The following LRP2 variants were observed in gnomAD, a reference collection of about 807,000 sequenced individuals.
The protein encoded by LRP2 is low-density lipoprotein receptor-related protein 2.
A neutral mutation model predicts 531.0 loss-of-function variants in LRP2; 172 were observed. The observed-to-expected ratio is 0.32, with a 90% CI of 0.29 to 0.37. The LOEUF is 0.37. LRP2 is among the 10% of genes least tolerant of loss of function. The pLI, the probability that LRP2 is intolerant of heterozygous loss-of-function variation, is 1.00. For synonymous variants in LRP2, 1,992 were observed against 2,027.6 expected, an observed-to-expected ratio of 0.98 and a Z score of 0.47; for missense variants, 5,167 against 5,868.3, an observed-to-expected ratio of 0.88 and a Z score of 3.90.
At chr2:169,242,516 A>C (rs1026399606) in intron 24 of LRP2, among the ~76,000 whole-genome samples, 1 of 151,972 alleles carries the variant, frequency 6.6e-6, no homozygotes, top group Non-Finnish European at 1.5e-5. Flanking sequence ...TTCAACACAT[A>C]ATAGCACAAA....
chr2:169,133,894 G>A (rs932446751), intron 76 of LRP2, among the ~76,000 whole-genome samples: 6 of 152,150 alleles, frequency 3.9e-5, no homozygotes, highest in South Asian at 2.1e-4. Flanking sequence ...AATTACCTGG[G>A]CTGTACTGCT....
intron 16 of LRP2, among the ~76,000 whole-genome samples, chr2:169,269,570 G>C (rs1419541833): frequency 6.6e-6 from 1 of 152,236 alleles, no homozygotes; most frequent in Non-Finnish European, 1.5e-5. Context: ...GCTGAAACTG[G>C]ATCCCTTCCT....
In LRP2 at chr2:169,259,188, C is replaced by A; in HGVS notation, c.2350G>T (p.Glu784Ter). The change falls in exon 17 of 79, where the codon GAA (glutamate) becomes TAA (stop). Residue 784 changes from glutamate to a stop codon, truncating the protein, a stop_gained. Transcript: ENST00000649046. LOFTEE classifies it high-confidence loss of function. Reference protein sequence around the residue: ...GREILAANRVENVESLAFDWI... With the variant: ...GREILAANRV Reference sequence around the variant, plus strand: ...TCAAAAGCCAAACTTTCAACATTTTCCACCCTGTTAGCTGCGAGAATTTCT... The same window carrying A: ...TCAAAAGCCAAACTTTCAACATTTTACACCCTGTTAGCTGCGAGAATTTCT... The A allele has an allele frequency of 6.2e-7, 1 of 1,613,160 alleles. No homozygotes were observed. Among genetic ancestry groups the A allele is most frequent in the Non-Finnish European group, 8.5e-7 (1 of 1,179,490 alleles).
chr2:169,161,116 T>C (rs531408512), intron 63 of LRP2, among the ~76,000 whole-genome samples: 2 of 152,344 alleles, frequency 1.3e-5, no homozygotes, highest in East Asian at 1.9e-4. Flanking sequence ...GAGGTCAGTA[T>C]GTGCCCAAAG....
intron 3 of LRP2, among the ~76,000 whole-genome samples, chr2:169,318,217 G>C (rs921893800): frequency 3.3e-5 from 5 of 152,036 alleles, no homozygotes; most frequent in African/African-American, 9.7e-5. Flanking sequence ...TCAATGTCCA[G>C]GGATGCCGCA....
intron 8 of LRP2, among the ~76,000 whole-genome samples, chr2:169,289,887 G>GA (rs138477300): frequency 0.083 from 12,676 of 151,938 alleles, 799 homozygotes; most frequent in East Asian, 0.31. Flanking sequence ...ATGAAATAGA[G>GA]AAAAAAATGC....
intron 46 of LRP2, among the ~76,000 whole-genome samples, chr2:169,195,623 T>C (rs548462683): frequency 3.3e-4 from 50 of 152,320 alleles, no homozygotes; most frequent in African/African-American, 1.2e-3. Context: ...TTTGTTACCA[T>C]AGAGAAGTTT....
intron 38 of LRP2, among the ~76,000 whole-genome samples, chr2:169,208,074 T>A (rs2268372): frequency 0.25 from 37,314 of 152,150 alleles, 4,992 homozygotes; most frequent in East Asian, 0.37. Context: ...TTCCAATCCT[T>A]TAATCCAGGG....
rs1202299500 is a variant in LRP2 at position 169,128,127 on chromosome 2, CA to C, written c.*535del. 1.9e-5 allele frequency: 3 copies of C among 161,928 alleles called. No individual in the cohort carries two copies. Among genetic ancestry groups the C allele is most frequent in the Non-Finnish European group, 4.0e-5 (3 of 74,190 alleles). 10.0% of individuals were successfully genotyped at this position (161,928 alleles called of 1,614,324 possible). A position where few individuals can be genotyped will look rare whatever the true frequency, so the allele number is the denominator to read the frequency against. ...GTCAAGTCCAGATGTCTATACAACA[CA>C]TAGTGGCCCCTATCAACATAGCCAT... On this transcript the variant is annotated 3_prime_UTR_variant, in exon 79 of 79. Coordinates refer to ENST00000649046, the MANE Select transcript of LRP2 (RefSeq NM_004525.3).
At chr2:169,338,303 A>AAGG (rs1574271251) in intron 1 of LRP2, among the ~76,000 whole-genome samples, 4 of 103,604 alleles carry the variant, frequency 3.9e-5, no homozygotes, top group Non-Finnish European at 6.2e-5. Context: ...AGGAAGGAAG[A>AAGG]AAGAAAGAAA....
chr2:169,261,610 G>T (rs1473010488), intron 16 of LRP2, among the ~76,000 whole-genome samples: 1 of 151,736 alleles, frequency 6.6e-6, no homozygotes, highest in Non-Finnish European at 1.5e-5. Flanking sequence ...TAAAAGGTAG[G>T]TTGCCAAAAA....
At chr2:169,130,824 AC>A (rs2105325126) in intron 77 of LRP2, among the ~76,000 whole-genome samples, 1 of 152,334 alleles carries the variant, frequency 6.6e-6, no homozygotes, top group South Asian at 2.1e-4. Flanking sequence ...AAGAGGAGGA[AC>A]CAAGGTATTA....
chr2:169,163,260 A>T (rs563540367), intron 62 of LRP2, among the ~76,000 whole-genome samples: 1 of 152,220 alleles, frequency 6.6e-6, no homozygotes, highest in East Asian at 1.9e-4. Context: ...AATGTTAGTA[A>T]TGTGCATTGA....
intron 76 of LRP2, among the ~76,000 whole-genome samples, chr2:169,137,092 C>T (rs527949362): frequency 7.2e-5 from 11 of 152,310 alleles, no homozygotes; most frequent in African/African-American, 2.4e-4. Context: ...TTTCCCAGGC[C>T]CCTGAAGGGA....
At chr2:169,305,379 C>T (rs867247190) in intron 4 of LRP2, among the ~76,000 whole-genome samples, 4 of 152,126 alleles carry the variant, frequency 2.6e-5, no homozygotes, top group African/African-American at 4.8e-5. Flanking sequence ...TGTATGTTAG[C>T]TCCTACCCTA....
intron 9 of LRP2, among the ~76,000 whole-genome samples, chr2:169,285,046 C>T (rs1021686031): frequency 7.9e-5 from 12 of 151,776 alleles, no homozygotes; most frequent in African/African-American, 1.2e-4. Context: ...CAGTGGCTCA[C>T]GCCTATAATC....
At chr2:169,353,728 C>T (rs948407287) in intron 1 of LRP2, among the ~76,000 whole-genome samples, 11 of 152,164 alleles carry the variant, frequency 7.2e-5, no homozygotes, top group African/African-American at 1.2e-4. Flanking sequence ...TGGTGGCTAG[C>T]GCCTATAATC....
In LRP2 at chr2:169,291,004, G is replaced by A. The variant is rs771880681; in HGVS notation, c.770-7C>T. 9.3e-6 allele frequency: 15 copies of A among 1,613,398 alleles called. No individual in the cohort carries two copies. In the South Asian group the frequency reaches 9.9e-5, roughly 11 times the overall value. ...ACATCATGAGGACCGCTTTCTGTGG[G>A]GGGAAAAAGAGAGAGTTACAGGCCA... is the stretch of plus-strand genomic sequence containing the variant. On this transcript the variant is annotated splice_region_variant and splice_polypyrimidine_tract_variant and intron_variant, in intron 7 of 78. Coordinates refer to ENST00000649046, the MANE Select transcript of LRP2 (RefSeq NM_004525.3).
intron 14 of LRP2, among the ~76,000 whole-genome samples, chr2:169,274,444 G>A (rs1049260188): frequency 2.0e-5 from 3 of 152,024 alleles, no homozygotes; most frequent in African/African-American, 7.2e-5. Flanking sequence ...AAAAAATCAC[G>A]TGGTAAAATA....
Sources: allele counts gnomAD v4.1 joint callset (sites outside exome capture counted in the v4.1 genomes callset), GRCh38; gene constraint gnomAD v4.1.1; transcripts MANE v1.5; gene names NCBI Gene and HGNC (gene_info 2026-07-23, HGNC 2026-07-21).